AIG1: variants seen among roughly 807,000 people sequenced by gnomAD.
AIG1 encodes the protein androgen-induced gene 1 protein.
In AIG1, 23 loss-of-function variants were observed where a neutral mutation model predicts 31.4. That is an observed-to-expected ratio of 0.73 (90% CI 0.53 to 1.04). The LOEUF (loss-of-function observed/expected upper bound fraction) is 1.04. Ranked by LOEUF, AIG1 falls within the 50% of genes least tolerant of loss-of-function variation. AIG1 has a pLI of 0.00. For synonymous variants in AIG1, 100 were observed against 110.5 expected, an observed-to-expected ratio of 0.90 and a Z score of 0.60; for missense variants, 274 against 295.0, an observed-to-expected ratio of 0.93 and a Z score of 0.52.
intron 3 of AIG1, among the ~76,000 whole-genome samples, chr6:143,281,139 G>GA (rs1437870487): frequency 6.6e-6 from 1 of 152,056 alleles, no homozygotes; most frequent in Non-Finnish European, 1.5e-5. Context: ...TACTAATGCA[G>GA]AAAAAAGAGC....
intron 3 of AIG1, among the ~76,000 whole-genome samples, chr6:143,264,699 T>C (rs1406205984): frequency 6.6e-6 from 1 of 152,252 alleles, no homozygotes; most frequent in Non-Finnish European, 1.5e-5. Flanking sequence ...CTAGGATTTA[T>C]GTGCCTTACC....
intron 2 of AIG1, among the ~76,000 whole-genome samples, chr6:143,164,224 G>T (rs1310431973): frequency 6.6e-6 from 1 of 152,072 alleles, no homozygotes; most frequent in Admixed American, 6.6e-5. Flanking sequence ...ATCTCTTCCT[G>T]TGGGATGGTT....
intron 3 of AIG1, among the ~76,000 whole-genome samples, chr6:143,169,010 A>T (rs925516585): frequency 1.3e-5 from 2 of 151,460 alleles, no homozygotes; most frequent in Admixed American, 6.6e-5. Flanking sequence ...TAGAATATTT[A>T]TATTCATATA....
intron 1 of AIG1, among the ~76,000 whole-genome samples, chr6:143,092,090 G>A (rs1490967295): frequency 1.3e-5 from 2 of 152,010 alleles, no homozygotes; most frequent in Non-Finnish European, 2.9e-5. Context: ...GGCAGCTACA[G>A]CCTTATGAAA....
At chr6:143,221,064 A>G (rs1312195736) in intron 3 of AIG1, among the ~76,000 whole-genome samples, 3 of 152,158 alleles carry the variant, frequency 2.0e-5, no homozygotes, top group African/African-American at 7.2e-5. Context: ...CCAGGTGGGT[A>G]ATTTACAAGA....
chr6:143,198,906 G>C (rs1284306831), intron 3 of AIG1, among the ~76,000 whole-genome samples: 1 of 152,134 alleles, frequency 6.6e-6, no homozygotes, highest in African/African-American at 2.4e-5. Flanking sequence ...AGAAAAGAGA[G>C]ATTGTGGGAC....
In AIG1 at chr6:143,331,846, TTTATTATTATTATTA is replaced by T. The variant is rs35498304; in HGVS notation, c.516-1409_516-1395del. The stretch of plus-strand genomic sequence containing the variant: ...AAATGAGGTACATGTGTAGGTAATG[TTTATTATTATTATTA>T]TTATTATTATTATTATTATTATTAT... On this transcript the variant is annotated intron_variant, in intron 4 of 5. Coordinates refer to ENST00000357847, the MANE Select transcript of AIG1 (RefSeq NM_016108.4). The surrounding 1 kb of genome is among the most constrained non-coding windows in gnomAD (Gnocchi z 4.1). Among the ~76,000 whole-genome samples, 10 of 137,628 alleles carry T rather than the reference TTTATTATTATTATTA, an allele frequency of 7.3e-5. No homozygotes were observed. Among genetic ancestry groups the T allele is most frequent in the South Asian group, 5.0e-4 (2 of 3,972 alleles). The allele number at this position is 137,628 out of a possible 152,430, so 90.3% of individuals were successfully genotyped here.
intron 3 of AIG1, among the ~76,000 whole-genome samples, chr6:143,182,961 TGCACTGCA>T (rs1203567167): frequency 2.6e-5 from 4 of 152,222 alleles, no homozygotes; most frequent in Admixed American, 1.3e-4. Context: ...CAATTTCAGC[TGCACTGCA>T]GCAAAATCCT....
intron 1 of AIG1, among the ~76,000 whole-genome samples, chr6:143,071,671 A>AGTGGTG (rs1435238678): frequency 6.6e-6 from 1 of 150,896 alleles, no homozygotes; most frequent in Non-Finnish European, 1.5e-5. Context: ...TGGTGGTGGT[A>AGTGGTG]GTGGTGGTTC....
chr6:143,218,150 A>G (rs1222182868), intron 3 of AIG1, among the ~76,000 whole-genome samples: 1 of 152,182 alleles, frequency 6.6e-6, no homozygotes, highest in Non-Finnish European at 1.5e-5. Flanking sequence ...ACTTATACTG[A>G]CTGTTAATAT....
intron 1 of AIG1, among the ~76,000 whole-genome samples, chr6:143,113,915 C>A (rs1378949515): frequency 6.6e-6 from 1 of 151,934 alleles, no homozygotes; most frequent in African/African-American, 2.4e-5. Context: ...GCTGGGACTA[C>A]AGGCACCCAC....
rs1443690006 is a variant in AIG1 at position 143,325,471 on chromosome 6, T to A, written c.516-7811T>A. 6.6e-6 allele frequency among the ~76,000 whole-genome samples: 1 copy of A among 152,174 alleles called. No individual in the cohort carries two copies. The highest frequency in any genetic ancestry group is 1.5e-5 in the Non-Finnish European group (1 of 68,038). ...CTTCAGAACATCTCCACTTGGATAT[T>A]TTACAGGTACCTCAAACTCAACATG... On this transcript the variant is annotated intron_variant, in intron 4 of 5. Coordinates refer to ENST00000357847, the MANE Select transcript of AIG1 (RefSeq NM_016108.4). The surrounding 1 kb of genome is among the most constrained non-coding windows in gnomAD (Gnocchi z 4.3).
chr6:143,151,233 A>G (rs963267198), intron 2 of AIG1, among the ~76,000 whole-genome samples: 4 of 152,232 alleles, frequency 2.6e-5, no homozygotes, highest in African/African-American at 9.6e-5. Flanking sequence ...GAAAGGTATT[A>G]GAAAAGCCCT....
intron 3 of AIG1, among the ~76,000 whole-genome samples, chr6:143,212,438 G>T (rs1438341311): frequency 6.6e-6 from 1 of 152,162 alleles, no homozygotes; most frequent in African/African-American, 2.4e-5. Flanking sequence ...AGGACTTCAA[G>T]CTCCCTCTGC....
intron 3 of AIG1, among the ~76,000 whole-genome samples, chr6:143,265,742 C>G (rs887118999): frequency 6.6e-6 from 1 of 152,212 alleles, no homozygotes; most frequent in African/African-American, 2.4e-5. Context: ...TAAACACCCC[C>G]TCATCCTTCC....
intron 2 of AIG1, among the ~76,000 whole-genome samples, chr6:143,159,741 A>G (rs1562441386): frequency 6.6e-6 from 1 of 152,226 alleles, no homozygotes; most frequent in African/African-American, 2.4e-5. Flanking sequence ...TCAGGATTCC[A>G]TAGATCTGGA....
intron 3 of AIG1, among the ~76,000 whole-genome samples, chr6:143,252,614 C>G (rs968606978): frequency 6.6e-6 from 1 of 152,196 alleles, no homozygotes; most frequent in African/African-American, 2.4e-5. Context: ...TGGTTGTGGG[C>G]TAACCCGAAC....
At chr6:143,103,803 T>C (rs1780555445) in intron 1 of AIG1, among the ~76,000 whole-genome samples, 1 of 152,196 alleles carries the variant, frequency 6.6e-6, no homozygotes. Context: ...AATGAGCTAC[T>C]GAACATCCTT....
chr6:143,252,041 G>C (rs1335249195), intron 3 of AIG1, among the ~76,000 whole-genome samples: 1 of 152,172 alleles, frequency 6.6e-6, no homozygotes, highest in Admixed American at 6.5e-5. Flanking sequence ...AGATATTTAT[G>C]TGAGTACCAT....
Sources: allele counts gnomAD v4.1 joint callset (sites outside exome capture counted in the v4.1 genomes callset), GRCh38; gene constraint gnomAD v4.1.1; non-coding constraint Gnocchi (gnomAD v3.1); transcripts MANE v1.5; gene names NCBI Gene and HGNC (gene_info 2026-07-23, HGNC 2026-07-21).